The following AOAH variants were observed in gnomAD, a reference collection of about 807,000 sequenced individuals.
AOAH encodes the protein acyloxyacyl hydrolase.
In AOAH, 64 loss-of-function variants were observed where a neutral mutation model predicts 92.2. The observed-to-expected ratio is 0.69, with a 90% CI of 0.57 to 0.86. The LOEUF (loss-of-function observed/expected upper bound fraction) is 0.86, where lower values mean the gene tolerates loss of function less well. Ranked by LOEUF, AOAH falls within the 40% of genes least tolerant of loss-of-function variation. AOAH has a pLI of 0.00. For synonymous variants in AOAH, 263 were observed against 254.5 expected, an observed-to-expected ratio of 1.03 and a Z score of -0.32; for missense variants, 656 against 694.6, an observed-to-expected ratio of 0.94 and a Z score of 0.62.
At chr7:36,626,534 T>G (rs1792676432) in intron 6 of AOAH, among the ~76,000 whole-genome samples, 1 of 152,128 alleles carries the variant, frequency 6.6e-6, no homozygotes, top group Non-Finnish European at 1.5e-5. Flanking sequence ...CTAATCAAAA[T>G]TTTTTTCAAC....
chr7:36,630,665 G>T (rs1240835502), intron 6 of AOAH, among the ~76,000 whole-genome samples: 1 of 152,074 alleles, frequency 6.6e-6, no homozygotes, highest in Non-Finnish European at 1.5e-5. Context: ...GTTTCAAGAT[G>T]ATTCTGAGAC....
At chr7:36,657,516 C>G (rs1322339187) in intron 4 of AOAH, among the ~76,000 whole-genome samples, 1 of 152,150 alleles carries the variant, frequency 6.6e-6, no homozygotes, top group African/African-American at 2.4e-5. Context: ...TGAAGCTGTC[C>G]ATGTGTATAC....
In AOAH at chr7:36,610,159, C is replaced by CAAAAAAAAAAAAAAAA. The variant is rs71553082; in HGVS notation, c.846+6205_846+6220dup. 4.1e-5 allele frequency among the ~76,000 whole-genome samples: 2 copies of CAAAAAAAAAAAAAAAA among 49,256 alleles called. 1 individual carries two copies. The highest frequency in any genetic ancestry group is 6.0e-4 in the Admixed American group (2 of 3,328). 32.3% of individuals were successfully genotyped at this position (49,256 alleles called of 152,430 possible). A position where few individuals can be genotyped will look rare whatever the true frequency, so the allele number is the denominator to read the frequency against. ...TTTTAAGGAGAATGCTCCATAATAG[C>CAAAAAAAAAAAAAAAA]AAAAAAAAAAAAAAAAAAAAAGAAT... On this transcript the variant is annotated intron_variant, in intron 11 of 20. Coordinates refer to ENST00000617537, the MANE Select transcript of AOAH (RefSeq NM_001637.4).
rs1785348551 is a variant in AOAH at position 36,540,454 on chromosome 7, T to A, written c.1171A>T (p.Lys391Ter). The A allele has an allele frequency of 6.2e-7, 1 of 1,613,834 alleles. No individual in the cohort carries two copies. Among genetic ancestry groups the A allele is most frequent in the Non-Finnish European group, 8.5e-7 (1 of 1,179,918 alleles). The stretch of plus-strand genomic sequence containing the variant: ...GTCTGCATGACGTTGGAGTAGAGTT[T>A]CTCAGGAGTGGTCATGGCTGGGACT... ...DPVPAMTTPE[K>*]LYSNVMQTLK... The change falls in exon 16 of 21, where the codon AAA becomes TAA. Residue 391 changes from lysine (K) to a stop codon, truncating the protein, a stop_gained. Transcript: ENST00000617537. LOFTEE classifies it high-confidence loss of function.
intron 5 of AOAH, among the ~76,000 whole-genome samples, chr7:36,633,047 C>A (rs1011535492): frequency 7.2e-5 from 11 of 152,178 alleles, no homozygotes; most frequent in African/African-American, 2.4e-4. Context: ...TCCGGGCACA[C>A]CCTGTGGGGT....
intron 1 of AOAH, among the ~76,000 whole-genome samples, chr7:36,701,485 T>C (rs1421769652): frequency 6.7e-6 from 1 of 150,070 alleles, no homozygotes; most frequent in Non-Finnish European, 1.5e-5. Context: ...AATTATATTA[T>C]ATATAAATAT....
chr7:36,638,431 G>A (rs1793673510), intron 4 of AOAH, among the ~76,000 whole-genome samples: 1 of 152,194 alleles, frequency 6.6e-6, no homozygotes, highest in African/African-American at 2.4e-5. Flanking sequence ...TCCCCTGGTT[G>A]GAGATCTCCT....
At chr7:36,520,513 C>T (rs1274966072) in intron 20 of AOAH, among the ~76,000 whole-genome samples, 2 of 152,118 alleles carry the variant, frequency 1.3e-5, no homozygotes, top group African/African-American at 4.8e-5. Flanking sequence ...CGAGACCAGC[C>T]TGACCAACAT....
intron 12 of AOAH, among the ~76,000 whole-genome samples, chr7:36,590,922 G>T (rs1789694257): frequency 6.6e-6 from 1 of 152,136 alleles, no homozygotes; most frequent in Non-Finnish European, 1.5e-5. Flanking sequence ...TAAGGAGATT[G>T]GCCTAGCACA....
At chr7:36,574,239 A>G (rs1398207998) in intron 13 of AOAH, among the ~76,000 whole-genome samples, 2 of 152,226 alleles carry the variant, frequency 1.3e-5, no homozygotes, top group Non-Finnish European at 2.9e-5. Flanking sequence ...CTGCAAATTC[A>G]AAGAAAAGGA....
intron 15 of AOAH, among the ~76,000 whole-genome samples, chr7:36,545,266 T>A (rs1353502013): frequency 1.3e-5 from 2 of 152,136 alleles, no homozygotes; most frequent in Non-Finnish European, 2.9e-5. Context: ...ACATTAAACA[T>A]CCCTTAAAAG....
chr7:36,670,603 T>C (rs1795853059), intron 3 of AOAH, among the ~76,000 whole-genome samples: 1 of 152,024 alleles, frequency 6.6e-6, no homozygotes, highest in Non-Finnish European at 1.5e-5. Context: ...AGCTCCCGAG[T>C]AGCTGGGACT....
At chr7:36,628,899 G>T (rs1307449263) in intron 6 of AOAH, among the ~76,000 whole-genome samples, 1 of 152,166 alleles carries the variant, frequency 6.6e-6, no homozygotes, top group African/African-American at 2.4e-5. Context: ...AAGAGTTGAG[G>T]GGTCAATGGA....
At chr7:36,624,308 C>A (rs1583972331) in intron 6 of AOAH, among the ~76,000 whole-genome samples, 1 of 152,322 alleles carries the variant, frequency 6.6e-6, no homozygotes, top group Non-Finnish European at 1.5e-5. Flanking sequence ...AGTAACACAA[C>A]CTTTTATAGG....
intron 12 of AOAH, among the ~76,000 whole-genome samples, chr7:36,587,631 TA>T (rs943693397): frequency 1.3e-5 from 2 of 152,158 alleles, no homozygotes; most frequent in Non-Finnish European, 2.9e-5. Flanking sequence ...TGCTATAATA[TA>T]AAAAAATCAT....
At chr7:36,718,750 C>A (rs1799423458) in intron 1 of AOAH, among the ~76,000 whole-genome samples, 2 of 151,998 alleles carry the variant, frequency 1.3e-5, no homozygotes, top group Admixed American at 1.3e-4. Flanking sequence ...CCCATAGAGA[C>A]AGGAAGTAGA....
chr7:36,666,081 T>C (rs146722953), intron 3 of AOAH, among the ~76,000 whole-genome samples: 179 of 152,278 alleles, frequency 1.2e-3, no homozygotes, highest in Admixed American at 2.1e-3. Flanking sequence ...TAGGAAGTAT[T>C]CTCTTAGCTT....
At chr7:36,558,334 G>A (rs971387010) in intron 13 of AOAH, among the ~76,000 whole-genome samples, 1 of 152,176 alleles carries the variant, frequency 6.6e-6, no homozygotes, top group East Asian at 1.9e-4. Context: ...CTGTCTGATC[G>A]TTCCTCTGGA....
chr7:36,571,247 G>A (rs1266240849), intron 13 of AOAH, among the ~76,000 whole-genome samples: 1 of 152,142 alleles, frequency 6.6e-6, no homozygotes, highest in Non-Finnish European at 1.5e-5. Flanking sequence ...GCCCCCCTGG[G>A]TCTCCCCAGC....
Sources: gnomAD v4.1 joint callset for allele counts (sites outside exome capture counted in the v4.1 genomes callset) on GRCh38, gnomAD v4.1.1 for gene constraint, MANE v1.5 for transcripts, NCBI Gene and HGNC (gene_info 2026-07-23, HGNC 2026-07-21) for gene names.